The following PARD3B variants were observed in gnomAD, a reference collection of about 807,000 sequenced individuals.
PARD3B encodes partitioning defective 3 homolog B.
Under a neutral mutation model 130.2 loss-of-function variants are expected in PARD3B, and 103 were observed. That is an observed-to-expected ratio of 0.79 (90% CI 0.67 to 0.93). The LOEUF (loss-of-function observed/expected upper bound fraction) is 0.93. Among genes scored for constraint, PARD3B ranks in the 40% least tolerant of loss-of-function variants. The pLI, the probability that PARD3B is intolerant of heterozygous loss-of-function variation, is 0.00. For synonymous variants in PARD3B, 583 were observed against 553.2 expected, an observed-to-expected ratio of 1.05 and a Z score of -0.76; for missense variants, 1,609 against 1,499.2, an observed-to-expected ratio of 1.07 and a Z score of -1.21.
chr2:204,558,953 A>T lies in PARD3B; in HGVS notation c.120+12834A>T, dbSNP rs188997024. Among the ~76,000 whole-genome samples the T allele has an allele frequency of 3.4e-3, 514 of 152,326 alleles. 3 individuals are homozygous for T. Among genetic ancestry groups the T allele is most frequent in the African/African-American group, 0.011 (474 of 41,576 alleles). On this transcript the variant is annotated intron_variant, in intron 1 of 22. Transcript: ENST00000406610. ...ACAAGAAATGGGGAAAGGATTCCCTATTTAATAAATGGTGCTGGGAAAACA... is the reference window on the plus strand; with the variant it reads ...ACAAGAAATGGGGAAAGGATTCCCTTTTTAATAAATGGTGCTGGGAAAACA...
At chr2:204,830,006 A>G (rs1260760133) in intron 2 of PARD3B, among the ~76,000 whole-genome samples, 4 of 150,844 alleles carry the variant, frequency 2.7e-5, no homozygotes, top group African/African-American at 4.9e-5. Flanking sequence ...CTCAAAAAAA[A>G]AAAAAAAAAA....
chr2:204,547,740 A>G (rs74916050), intron 1 of PARD3B, among the ~76,000 whole-genome samples: 3,259 of 152,314 alleles, frequency 0.021, 110 homozygotes, highest in African/African-American at 0.075. Flanking sequence ...TTGTATATTT[A>G]GAAGTTTAGT....
intron 15 of PARD3B, among the ~76,000 whole-genome samples, chr2:205,224,513 T>C: frequency 6.6e-6 from 1 of 150,786 alleles, no homozygotes; most frequent in Admixed American, 6.6e-5. Context: ...CATTCATCAT[T>C]CCCACTTCCC....
chr2:205,496,371 T>C (rs1199522099), intron 20 of PARD3B, among the ~76,000 whole-genome samples: 6 of 152,186 alleles, frequency 3.9e-5, no homozygotes. Context: ...CTGATACCAT[T>C]TCTAAAAGTA....
intron 22 of PARD3B, among the ~76,000 whole-genome samples, chr2:205,567,309 T>G (rs902571818): frequency 1.1e-3 from 30 of 26,922 alleles, no homozygotes; most frequent in African/African-American, 3.0e-3. Context: ...TCCTTGTTTT[T>G]TTTTTTTTTT....
At chr2:205,313,945 TG>T (rs752180489) in intron 18 of PARD3B, among the ~76,000 whole-genome samples, 4 of 152,248 alleles carry the variant, frequency 2.6e-5, no homozygotes, top group Non-Finnish European at 5.9e-5. Context: ...TATTTCCTAA[TG>T]GACCTATTTG....
At chr2:204,990,789 C>A (rs935052965) in intron 3 of PARD3B, among the ~76,000 whole-genome samples, 1 of 152,014 alleles carries the variant, frequency 6.6e-6, no homozygotes, top group African/African-American at 2.4e-5. Context: ...GAAATCTTTC[C>A]CTACCTAAAG....
intron 15 of PARD3B, among the ~76,000 whole-genome samples, chr2:205,200,652 G>A (rs1574367699): frequency 6.6e-6 from 1 of 152,156 alleles, no homozygotes; most frequent in African/African-American, 2.4e-5. Context: ...GACAAAGGCT[G>A]CAGTCTTACA....
At chr2:205,496,320 G>T (rs576238968) in intron 20 of PARD3B, among the ~76,000 whole-genome samples, 1 of 152,106 alleles carries the variant, frequency 6.6e-6, no homozygotes, top group African/African-American at 2.4e-5. Flanking sequence ...GGAATTTGCT[G>T]TCCCTAATCT....
At chr2:204,962,562 A>G (rs981596469) in intron 2 of PARD3B, among the ~76,000 whole-genome samples, 1 of 152,172 alleles carries the variant, frequency 6.6e-6, no homozygotes, top group Non-Finnish European at 1.5e-5. Context: ...AGGGACTAGA[A>G]CAGTGGTTTA....
chr2:205,370,453 G>A (rs1050390791), intron 18 of PARD3B, among the ~76,000 whole-genome samples: 1 of 152,118 alleles, frequency 6.6e-6, no homozygotes, highest in Admixed American at 6.6e-5. Flanking sequence ...CCACAGCATG[G>A]CACCCATATC....
At chr2:204,932,071 G>A (rs1023629529) in intron 2 of PARD3B, among the ~76,000 whole-genome samples, 1 of 152,026 alleles carries the variant, frequency 6.6e-6, no homozygotes, top group African/African-American at 2.4e-5. Flanking sequence ...AGGTCAAAAG[G>A]TAAGCTACAC....
chr2:205,615,595 G>C lies in PARD3B; in HGVS notation c.3400G>C (p.Val1134Leu), dbSNP rs765962121. Reference protein sequence around the residue: ...GSYPRPTELRVADLRYPQHYP... With the variant: ...GSYPRPTELRLADLRYPQHYP... The stretch of plus-strand genomic sequence containing the variant: ...CTATCCCCGCCCCACAGAGCTCAGG[G>C]TGGCAGATCTCCGGTATCCTCAGCA... Residue 1134 changes from valine (V) to leucine (L), a missense_variant, in exon 23 of 23, where the codon GTG (valine) becomes CTG (leucine). Coordinates refer to ENST00000406610, the MANE Select transcript of PARD3B (RefSeq NM_001302769.2). 1 of 1,614,064 alleles carries C rather than the reference G, an allele frequency of 6.2e-7. No individual in the cohort carries two copies. The highest frequency in any genetic ancestry group is 1.1e-5 in the South Asian group (1 of 91,070).
At chr2:205,260,944 T>C (rs1344118225) in intron 16 of PARD3B, among the ~76,000 whole-genome samples, 1 of 152,124 alleles carries the variant, frequency 6.6e-6, no homozygotes, top group Admixed American at 6.5e-5. Context: ...ACCACCATTG[T>C]GTCCCCTCCC....
At chr2:204,847,362 T>C (rs2044507336) in intron 2 of PARD3B, among the ~76,000 whole-genome samples, 1 of 152,122 alleles carries the variant, frequency 6.6e-6, no homozygotes, top group African/African-American at 2.4e-5. Flanking sequence ...AATTTTAGAG[T>C]TAGCTTGTCT....
At chr2:204,570,431 C>T (rs1482527177) in intron 1 of PARD3B, among the ~76,000 whole-genome samples, 1 of 152,186 alleles carries the variant, frequency 6.6e-6, no homozygotes, top group East Asian at 1.9e-4. Context: ...AACAGCTTGA[C>T]AGTTTCTTTG....
intron 18 of PARD3B, among the ~76,000 whole-genome samples, chr2:205,303,272 G>T (rs965976684): frequency 7.2e-5 from 11 of 152,120 alleles, no homozygotes; most frequent in Admixed American, 2.6e-4. Context: ...CAATAGGATA[G>T]GATTTTACTT....
At position 204,547,377 on chromosome 2, in the gene PARD3B, C is replaced by A. The variant is rs142560586; in HGVS notation, c.120+1258C>A. Among the ~76,000 whole-genome samples the A allele has an allele frequency of 9.9e-5, 15 of 152,066 alleles. No homozygotes were observed. The East Asian group carries it at 2.9e-3, about 29-fold the overall frequency. On this transcript the variant is annotated intron_variant, in intron 1 of 22. Transcript: ENST00000406610. ...GGTCTATTAATATATTAAATATAAC[C>A]CCTAAAGATGAACTCTTTACTGATG...
chr2:204,595,883 T>G (rs563314889), intron 1 of PARD3B, among the ~76,000 whole-genome samples: 1 of 152,364 alleles, frequency 6.6e-6, no homozygotes, highest in African/African-American at 2.4e-5. Flanking sequence ...TTTGAATTCT[T>G]CAGTGAAACA....
Sources: allele counts gnomAD v4.1 joint callset (sites outside exome capture counted in the v4.1 genomes callset), GRCh38; gene constraint gnomAD v4.1.1; transcripts MANE v1.5; gene names NCBI Gene and HGNC (gene_info 2026-07-23, HGNC 2026-07-21).